FBXL17: variants seen among roughly 807,000 people sequenced by gnomAD.
FBXL17 encodes the protein F-box and leucine rich repeat protein 17, also known as F-box/LRR-repeat protein 17.
FBXL17 carries 22 observed loss-of-function variants against 66.2 expected under a neutral mutation model. That is an observed-to-expected ratio of 0.33 (90% CI 0.24 to 0.47). The LOEUF is 0.47. Ranked by LOEUF, FBXL17 falls within the 20% of genes least tolerant of loss-of-function variation. The pLI is 1.00. For missense variants in FBXL17, 878 were observed against 948.2 expected (o/e 0.93, Z 0.97); for synonymous variants, 474 against 400.5 (o/e 1.18, Z -2.19).
intron 4 of FBXL17, among the ~76,000 whole-genome samples, chr5:108,257,083 G>A (rs1756608613): frequency 6.6e-6 from 1 of 152,118 alleles, no homozygotes; most frequent in Admixed American, 6.6e-5. Flanking sequence ...AACTACCTGG[G>A]CTTTATATTG....
intron 6 of FBXL17, among the ~76,000 whole-genome samples, chr5:108,092,324 T>C (rs1561405647): frequency 6.6e-6 from 1 of 152,266 alleles, no homozygotes; most frequent in Non-Finnish European, 1.5e-5. Context: ...TAGTTTTTTT[T>C]AGGCAGGGTC....
intron 4 of FBXL17, chr5:108,302,040 G>A (rs139111398): frequency 2.4e-4 from 237 of 984,646 alleles, no homozygotes; most frequent in East Asian, 2.4e-3. Flanking sequence ...ATTTCTGTGC[G>A]CCAACCCATC....
chr5:108,077,394 T>C (rs960488683), intron 6 of FBXL17, among the ~76,000 whole-genome samples: 2 of 152,222 alleles, frequency 1.3e-5, no homozygotes, highest in Non-Finnish European at 2.9e-5. Context: ...CTAGGAATGA[T>C]GGCTCATGCC....
At chr5:108,265,914 C>T (rs566200100) in intron 4 of FBXL17, among the ~76,000 whole-genome samples, 13 of 152,156 alleles carry the variant, frequency 8.5e-5, no homozygotes, top group African/African-American at 2.4e-4. Flanking sequence ...TAGTAAGGTT[C>T]GACACTACAA....
intron 4 of FBXL17, among the ~76,000 whole-genome samples, chr5:108,235,184 T>C (rs1314379196): frequency 1.3e-5 from 2 of 152,216 alleles, no homozygotes; most frequent in Non-Finnish European, 2.9e-5. Flanking sequence ...TAATTCTACA[T>C]GCATGTACCA....
At chr5:108,101,687 C>G (rs762619635) in intron 6 of FBXL17, among the ~76,000 whole-genome samples, 16 of 152,112 alleles carry the variant, frequency 1.1e-4, no homozygotes, top group Non-Finnish European at 2.2e-4. Flanking sequence ...TAGTAATTTC[C>G]CAAGCAATCT....
chr5:107,889,180 T>C (rs1749111140), intron 7 of FBXL17, among the ~76,000 whole-genome samples: 1 of 152,222 alleles, frequency 6.6e-6, no homozygotes, highest in Admixed American at 6.5e-5. Flanking sequence ...AGATATCTAT[T>C]ACATTAAATT....
At position 108,273,018 on chromosome 5, in the gene FBXL17, G is replaced by A. The variant is rs183619384; in HGVS notation, c.1507-48790C>T. Reference sequence around the variant, plus strand: ...ATTTTAAAGCTGGGCATCCGGGGGAGACATCACATGTCGGTAGGTTCCGTG... The same window carrying A: ...ATTTTAAAGCTGGGCATCCGGGGGAAACATCACATGTCGGTAGGTTCCGTG... On this transcript the variant is annotated intron_variant, in intron 4 of 8. Transcript: ENST00000542267. Among the ~76,000 whole-genome samples the A allele has an allele frequency of 1.1e-3, 166 of 152,250 alleles. 1 individual carries two copies. The highest frequency in any genetic ancestry group is 3.8e-3 in the African/African-American group (158 of 41,556).
intron 4 of FBXL17, among the ~76,000 whole-genome samples, chr5:108,291,392 C>T (rs1758108399): frequency 6.6e-6 from 1 of 152,160 alleles, no homozygotes; most frequent in African/African-American, 2.4e-5. Flanking sequence ...CTTAAAACAA[C>T]TTCACTGATC....
chr5:108,110,471 T>A (rs577761447), intron 6 of FBXL17, among the ~76,000 whole-genome samples: 1 of 152,294 alleles, frequency 6.6e-6, no homozygotes, highest in South Asian at 2.1e-4. Context: ...AAGAAAATTG[T>A]CACTTGAATG....
chr5:108,238,611 G>T (rs1362184189), intron 4 of FBXL17, among the ~76,000 whole-genome samples: 10 of 152,086 alleles, frequency 6.6e-5, no homozygotes, highest in Admixed American at 6.6e-4. Flanking sequence ...CCCAGGCTCC[G>T]GTAATCCTCC....
At chr5:107,877,661 A>G (rs868636675) in intron 8 of FBXL17, among the ~76,000 whole-genome samples, 3 of 152,210 alleles carry the variant, frequency 2.0e-5, no homozygotes, top group African/African-American at 7.2e-5. Context: ...ATCTCTCTCT[A>G]GTGCAGGGAT....
At chr5:107,939,373 T>C (rs1001769195) in intron 7 of FBXL17, among the ~76,000 whole-genome samples, 2 of 152,154 alleles carry the variant, frequency 1.3e-5, no homozygotes, top group South Asian at 2.1e-4. Context: ...AAAGAGTAAA[T>C]AAGTGACCTC....
At chr5:108,167,245 T>C (rs947999174) in intron 6 of FBXL17, among the ~76,000 whole-genome samples, 2 of 152,184 alleles carry the variant, frequency 1.3e-5, no homozygotes, top group Non-Finnish European at 2.9e-5. Flanking sequence ...TTTACAAAGT[T>C]TGATTTAAGA....
At chr5:108,283,007 T>C (rs866953396) in intron 4 of FBXL17, among the ~76,000 whole-genome samples, 1 of 150,694 alleles carries the variant, frequency 6.6e-6, no homozygotes, top group Non-Finnish European at 1.5e-5. Flanking sequence ...GTATTATAGA[T>C]GACAAAAATG....
intron 7 of FBXL17, among the ~76,000 whole-genome samples, chr5:107,962,484 C>T (rs998792447): frequency 6.6e-6 from 1 of 151,946 alleles, no homozygotes; most frequent in Admixed American, 6.6e-5. Flanking sequence ...TTAAAGATGA[C>T]AAATACATAT....
At chr5:108,325,465 G>A (rs1759806040) in intron 4 of FBXL17, among the ~76,000 whole-genome samples, 1 of 151,914 alleles carries the variant, frequency 6.6e-6, no homozygotes, top group South Asian at 2.1e-4. Flanking sequence ...AGAATAAATG[G>A]AAAACTTGAA....
intron 4 of FBXL17, among the ~76,000 whole-genome samples, chr5:108,232,778 C>A (rs1755402929): frequency 5.5e-5 from 2 of 36,606 alleles, no homozygotes; most frequent in Non-Finnish European, 1.1e-4. Flanking sequence ...TGAATAAGCT[C>A]TCACATATAT....
intron 5 of FBXL17, among the ~76,000 whole-genome samples, chr5:108,215,624 G>A (rs1754566384): frequency 6.6e-6 from 1 of 152,190 alleles, no homozygotes; most frequent in Non-Finnish European, 1.5e-5. Context: ...TACCAGATAT[G>A]TGATTTGCAA....
Sources: allele counts gnomAD v4.1 joint callset (sites outside exome capture counted in the v4.1 genomes callset), GRCh38; gene constraint gnomAD v4.1.1; transcripts MANE v1.5; gene names NCBI Gene and HGNC (gene_info 2026-07-23, HGNC 2026-07-21).